The following FAF1 variants were observed in gnomAD, a reference collection of about 807,000 sequenced individuals.
FAF1 encodes Fas associated factor 1, also known as FAS-associated factor 1.
FAF1 carries 25 observed loss-of-function variants against 92.5 expected under a neutral mutation model. That is an observed-to-expected ratio of 0.27 (90% CI 0.20 to 0.38). The LOEUF (loss-of-function observed/expected upper bound fraction) is 0.38. FAF1 is among the 10% of genes least tolerant of loss of function. The probability of loss-of-function intolerance (pLI) is 1.00; values close to 1 mark genes in which losing one functional copy is unlikely to be tolerated. For missense variants in FAF1, 636 were observed against 793.3 expected, an observed-to-expected ratio of 0.80 and a Z score of 2.38; for synonymous variants, 234 against 273.2, an observed-to-expected ratio of 0.86 and a Z score of 1.42.
chr1:50,509,680 G>A (rs775300049), intron 15 of FAF1, among the ~76,000 whole-genome samples: 4 of 152,030 alleles, frequency 2.6e-5, no homozygotes, highest in Non-Finnish European at 4.4e-5. Flanking sequence ...CTAGGACCAG[G>A]ACATTCATCT....
intron 13 of FAF1, among the ~76,000 whole-genome samples, chr1:50,555,263 A>ACC (rs1649516429): frequency 6.7e-6 from 1 of 148,856 alleles, no homozygotes; most frequent in African/African-American, 2.5e-5. Flanking sequence ...ACACACACAC[A>ACC]CCCCAGGACT....
intron 7 of FAF1, among the ~76,000 whole-genome samples, chr1:50,682,428 G>T (rs1179377783): frequency 6.6e-6 from 1 of 152,112 alleles, no homozygotes; most frequent in Non-Finnish European, 1.5e-5. Flanking sequence ...GATTGATTGA[G>T]CAGGGAGATT....
chr1:50,942,879 T>C (rs1012795585), intron 1 of FAF1, among the ~76,000 whole-genome samples: 1 of 152,058 alleles, frequency 6.6e-6, no homozygotes, highest in Non-Finnish European at 1.5e-5. Context: ...TTAGGGAATG[T>C]GAATCTTTCA....
At chr1:50,555,155 C>A (rs1362051120) in intron 13 of FAF1, among the ~76,000 whole-genome samples, 1 of 151,702 alleles carries the variant, frequency 6.6e-6, no homozygotes, top group Non-Finnish European at 1.5e-5. Context: ...CCCAGGTGGT[C>A]GAGGCTGCAG....
Position 50,655,471 on chromosome 1 carries a change from C to A in FAF1, c.715G>T (p.Gly239Cys), listed in dbSNP as rs1569689943. The A allele has an allele frequency of 6.2e-7, 1 of 1,613,750 alleles. No individual in the cohort carries two copies. Among genetic ancestry groups the A allele is most frequent in the Non-Finnish European group, 8.5e-7 (1 of 1,179,704 alleles). Residue 239 changes from glycine (G) to cysteine (C), a missense_variant, in exon 8 of 19, where the codon GGC (glycine) becomes TGC (cysteine). This residue lies in a region of FAF1 where 317 missense variants were observed against 342.4 expected (regional missense o/e 0.93). Coordinates refer to ENST00000396153, the MANE Select transcript of FAF1 (RefSeq NM_007051.3). The part of the protein sequence containing the change: ...SIPVRHQLWE[G>C]WPTSATDDSM... ...TCGTCTGTAGCAGAAGTTGGCCAGC[C>A]CTCCCATAATTGGTGGCGAACGGGG...
At chr1:50,611,831 A>C (rs1652700081) in intron 8 of FAF1, among the ~76,000 whole-genome samples, 2 of 152,104 alleles carry the variant, frequency 1.3e-5, no homozygotes, top group African/African-American at 4.8e-5. Flanking sequence ...ACCCCCCACC[A>C]ACCTCCCCAC....
chr1:50,598,386 C>G (rs1651932131), intron 8 of FAF1, among the ~76,000 whole-genome samples: 1 of 150,176 alleles, frequency 6.7e-6, no homozygotes, highest in African/African-American at 2.5e-5. Flanking sequence ...TGCTTGAGCC[C>G]AGGAGGTCAA....
chr1:50,890,666 C>T (rs778675130), intron 1 of FAF1, among the ~76,000 whole-genome samples: 31 of 152,158 alleles, frequency 2.0e-4, no homozygotes, highest in South Asian at 4.2e-4. Context: ...AAATTCTTTT[C>T]TTTGAGAATG....
chr1:50,779,746 C>T (rs529351443), intron 4 of FAF1, among the ~76,000 whole-genome samples: 1 of 151,830 alleles, frequency 6.6e-6, no homozygotes, highest in East Asian at 1.9e-4. Flanking sequence ...ATTCATATAA[C>T]TATAAGATGT....
At chr1:50,592,571 T>A (rs1651571564) in intron 9 of FAF1, among the ~76,000 whole-genome samples, 1 of 152,140 alleles carries the variant, frequency 6.6e-6, no homozygotes, top group African/African-American at 2.4e-5. Flanking sequence ...ATAACTACAA[T>A]CCATAAAGTC....
In FAF1 at chr1:50,491,742, T is replaced by G. The variant is rs1448461277; in HGVS notation, c.1554A>C (p.Ser518=). The stretch of plus-strand genomic sequence containing the variant: ...CTACCTTTGCTCTGTCAGCCTCAAG[T>G]GAAAGGCGATAGGCCTCATCTTGCT... ...KREQDEAYRL[S]LEADRAKREA... The change falls in exon 16 of 19, where the codon TCA becomes TCC. Residue 518 remains serine (S), a synonymous_variant. Coordinates refer to ENST00000396153, the MANE Select transcript of FAF1 (RefSeq NM_007051.3). 2.5e-6 allele frequency: 4 copies of G among 1,612,238 alleles called. No homozygotes were observed. Among genetic ancestry groups the G allele is most frequent in the Non-Finnish European group, 3.4e-6 (4 of 1,179,336 alleles).
At chr1:50,797,406 G>T (rs1050336229) in intron 3 of FAF1, among the ~76,000 whole-genome samples, 4 of 152,002 alleles carry the variant, frequency 2.6e-5, no homozygotes, top group African/African-American at 7.3e-5. Context: ...TTTAAAAAAA[G>T]ATATTGATTG....
intron 2 of FAF1, among the ~76,000 whole-genome samples, chr1:50,806,709 CG>C: frequency 6.6e-6 from 1 of 152,232 alleles, no homozygotes; most frequent in East Asian, 1.9e-4. Flanking sequence ...ACAAGAATGC[CG>C]GGGGCCTGGT....
chr1:50,727,351 C>T (rs1658701669), intron 6 of FAF1, among the ~76,000 whole-genome samples: 1 of 152,204 alleles, frequency 6.6e-6, no homozygotes, highest in African/African-American at 2.4e-5. Context: ...ATATCCCTAG[C>T]ACCTAGAACA....
intron 8 of FAF1, among the ~76,000 whole-genome samples, chr1:50,610,537 T>C (rs1339284484): frequency 3.9e-5 from 6 of 152,254 alleles, no homozygotes; most frequent in African/African-American, 1.4e-4. Flanking sequence ...AAAATATCTC[T>C]TGAAAGGTAT....
intron 17 of FAF1, among the ~76,000 whole-genome samples, chr1:50,482,642 T>C (rs1409641948): frequency 6.6e-6 from 1 of 152,142 alleles, no homozygotes. Context: ...TGTGTAAGAG[T>C]TCAGTTGCTC....
Position 50,729,656 on chromosome 1 carries a change from G to A in FAF1, c.551+9207C>T, listed in dbSNP as rs560910685. ...TCCCAATCTCAGGTGATCCGCCTGC[G>A]TTGGCCTCCCAAAGTGCTGGGATTA... On this transcript the variant is annotated intron_variant, in intron 6 of 18. Coordinates refer to ENST00000396153, the MANE Select transcript of FAF1 (RefSeq NM_007051.3). Among the ~76,000 whole-genome samples, 6 of 149,156 alleles carry A rather than the reference G, an allele frequency of 4.0e-5. No individual in the cohort carries two copies. The South Asian group carries it at 1.3e-3, about 32-fold the overall frequency.
At position 50,819,738 on chromosome 1, in the gene FAF1, TAC is replaced by T. The variant is rs1491177265; in HGVS notation, c.115-18063_115-18062del. Among the ~76,000 whole-genome samples, 49 of 33,016 alleles carry T rather than the reference TAC, an allele frequency of 1.5e-3. 2 individuals are homozygous for T. The highest frequency in any genetic ancestry group is 1.8e-3 in the African/African-American group (19 of 10,514). The allele number at this position is 33,016 out of a possible 152,430, so 21.7% of individuals were successfully genotyped here. On this transcript the variant is annotated intron_variant, in intron 2 of 18. Coordinates refer to ENST00000396153, the MANE Select transcript of FAF1 (RefSeq NM_007051.3). The stretch of plus-strand genomic sequence containing the variant: ...ATACGTATATATATATACATATATA[TAC>T]ATATATATATACATATATATATACG...
intron 17 of FAF1, among the ~76,000 whole-genome samples, chr1:50,487,252 A>G (rs1427231279): frequency 2.0e-5 from 3 of 152,226 alleles, no homozygotes; most frequent in African/African-American, 7.2e-5. Flanking sequence ...GTTACGCACA[A>G]AGTAAAACTT....
Sources: gnomAD v4.1 joint callset for allele counts (sites outside exome capture counted in the v4.1 genomes callset) on GRCh38, gnomAD v4.1.1 for gene constraint, gnomAD v4.1.1 regional missense constraint, MANE v1.5 for transcripts, NCBI Gene and HGNC (gene_info 2026-07-23, HGNC 2026-07-21) for gene names.